Variants in GPC6 observed in about 807,000 individuals in gnomAD.
GPC6 encodes glypican-6.
In GPC6, 14 loss-of-function variants were observed where a neutral mutation model predicts 55.2. The observed-to-expected ratio is 0.25, with a 90% CI of 0.17 to 0.40. The LOEUF is 0.40. Ranked by LOEUF, GPC6 falls within the 10% of genes least tolerant of loss-of-function variation. The pLI is 1.00. For synonymous variants in GPC6, 278 were observed against 259.6 expected (o/e 1.07, Z -0.68); for missense variants, 641 against 708.5 (o/e 0.90, Z 1.08).
intron 1 of GPC6, among the ~76,000 whole-genome samples, chr13:93,287,043 C>T (rs529157274): frequency 6.6e-6 from 1 of 152,168 alleles, no homozygotes; most frequent in Non-Finnish European, 1.5e-5. Flanking sequence ...TACCTTCAGA[C>T]TATGTGTATG....
chr13:93,328,678 TAAA>T (rs66848105), intron 1 of GPC6, among the ~76,000 whole-genome samples: 2 of 135,492 alleles, frequency 1.5e-5, no homozygotes, highest in Non-Finnish European at 1.6e-5. Context: ...TTGTCTCAAT[TAAA>T]AAAAAAAAAA....
intron 1 of GPC6, among the ~76,000 whole-genome samples, chr13:93,237,876 A>G (rs1245580676): frequency 6.6e-6 from 1 of 152,132 alleles, no homozygotes; most frequent in African/African-American, 2.4e-5. Flanking sequence ...CGTTGGTTGT[A>G]GGGATTAGGC....
intron 3 of GPC6, among the ~76,000 whole-genome samples, chr13:93,923,647 A>T (rs1877692951): frequency 6.6e-6 from 1 of 152,182 alleles, no homozygotes; most frequent in East Asian, 1.9e-4. Flanking sequence ...ACCCAAAGAA[A>T]CCAATCTCAG....
intron 6 of GPC6, among the ~76,000 whole-genome samples, chr13:94,357,623 C>CAT (rs1360882499): frequency 6.6e-6 from 1 of 152,194 alleles, no homozygotes; most frequent in East Asian, 1.9e-4. Context: ...GGTCACAGCC[C>CAT]TAAGGTACCA....
chr13:94,029,834 C>T (rs1483245999), intron 4 of GPC6, among the ~76,000 whole-genome samples: 1 of 152,090 alleles, frequency 6.6e-6, no homozygotes, highest in Non-Finnish European at 1.5e-5. Flanking sequence ...CTTATGCTTT[C>T]GATCAATTGA....
At chr13:93,451,814 G>A (rs1161258460) in intron 1 of GPC6, among the ~76,000 whole-genome samples, 2 of 152,162 alleles carry the variant, frequency 1.3e-5, no homozygotes, top group African/African-American at 4.8e-5. Context: ...TTTATAAGCT[G>A]TGTCAGCCAC....
At chr13:93,611,796 G>T (rs1594310364) in intron 2 of GPC6, among the ~76,000 whole-genome samples, 1 of 152,206 alleles carries the variant, frequency 6.6e-6, no homozygotes, top group South Asian at 2.1e-4. Flanking sequence ...TGCCACATTT[G>T]TGGGTGCTTT....
At chr13:93,685,861 G>A (rs1011042685) in intron 2 of GPC6, among the ~76,000 whole-genome samples, 2 of 152,116 alleles carry the variant, frequency 1.3e-5, no homozygotes, top group Non-Finnish European at 2.9e-5. Context: ...AGATTGAAGA[G>A]TATTTTTATT....
At position 94,137,154 on chromosome 13, in the gene GPC6, G is replaced by T. The variant is rs1264444763; in HGVS notation, c.877+109260G>T. On this transcript the variant is annotated intron_variant, in intron 4 of 8. Transcript: ENST00000377047. ...AGTTAGAGAAATTTGATTTTAGATC[G>T]CTTGTACATGACATATCTGTAGGAC... Among the ~76,000 whole-genome samples the T allele has an allele frequency of 5.9e-5, 9 of 152,272 alleles. No homozygotes were observed. In the East Asian group the frequency reaches 1.7e-3, roughly 29 times the overall value.
intron 4 of GPC6, among the ~76,000 whole-genome samples, chr13:94,280,579 C>T (rs928431771): frequency 4.6e-5 from 7 of 152,186 alleles, no homozygotes; most frequent in African/African-American, 1.7e-4. Flanking sequence ...CATTAATCAG[C>T]CTATACATAA....
At position 94,403,340 on chromosome 13, in the gene GPC6, G is replaced by A; in HGVS notation, c.*123G>A. 1 of 754,860 alleles carries A rather than the reference G, an allele frequency of 1.3e-6. No homozygotes were observed. The highest frequency in any genetic ancestry group is 2.7e-5 in the East Asian group (1 of 37,460). 46.8% of individuals were successfully genotyped at this position (754,860 alleles called of 1,614,324 possible). On this transcript the variant is annotated 3_prime_UTR_variant, in exon 9 of 9. Coordinates refer to ENST00000377047, the MANE Select transcript of GPC6 (RefSeq NM_005708.5). ...ACTTACCGTTTTCTATGAGAAGAGA[G>A]CAGTAATGCAATCTGCCTCCCTTTT...
chr13:94,145,021 T>G (rs890560635), intron 4 of GPC6, among the ~76,000 whole-genome samples: 2 of 152,116 alleles, frequency 1.3e-5, no homozygotes, highest in Non-Finnish European at 2.9e-5. Context: ...AAATATTGAT[T>G]AGAGAGTAAG....
chr13:93,738,936 TACACACACACACAC>T lies in GPC6; in HGVS notation c.320-91195_320-91182del, dbSNP rs56928879. On this transcript the variant is annotated intron_variant, in intron 2 of 8. Coordinates refer to ENST00000377047, the MANE Select transcript of GPC6 (RefSeq NM_005708.5). ...TTTAAATTCCAAGTGCACTTGGTTT[TACACACACACACAC>T]ACACACACACACACACACACACTCA... Among the ~76,000 whole-genome samples, 40 of 145,574 alleles carry T rather than the reference TACACACACACACAC, an allele frequency of 2.7e-4. No individual in the cohort carries two copies. The East Asian group carries it at 3.2e-3, about 12-fold the overall frequency.
chr13:93,693,113 C>T (rs1401477886), intron 2 of GPC6, among the ~76,000 whole-genome samples: 1 of 152,090 alleles, frequency 6.6e-6, no homozygotes, highest in Non-Finnish European at 1.5e-5. Context: ...AGATTGTTAG[C>T]ATCTTCAAGC....
chr13:94,049,973 G>A (rs955807566), intron 4 of GPC6, among the ~76,000 whole-genome samples: 7 of 152,022 alleles, frequency 4.6e-5, no homozygotes, highest in Admixed American at 2.0e-4. Flanking sequence ...TTCCCTGTTC[G>A]ATTGGTTCTC....
At chr13:93,904,366 A>C (rs972897142) in intron 3 of GPC6, among the ~76,000 whole-genome samples, 3 of 152,174 alleles carry the variant, frequency 2.0e-5, no homozygotes, top group African/African-American at 7.2e-5. Flanking sequence ...GCAGGTTACA[A>C]ATCCATCTTT....
At chr13:93,414,589 A>T (rs976700521) in intron 1 of GPC6, among the ~76,000 whole-genome samples, 1 of 152,138 alleles carries the variant, frequency 6.6e-6, no homozygotes, top group African/African-American at 2.4e-5. Context: ...ATAAATAGCG[A>T]GTAGTCTGAA....
At chr13:93,344,989 T>A (rs1260978813) in intron 1 of GPC6, among the ~76,000 whole-genome samples, 1 of 152,226 alleles carries the variant, frequency 6.6e-6, no homozygotes, top group Non-Finnish European at 1.5e-5. Context: ...CATGCTTTTT[T>A]ATTCCTATTT....
chr13:93,694,728 T>TTAA (rs1169891044), intron 2 of GPC6, among the ~76,000 whole-genome samples: 1 of 152,130 alleles, frequency 6.6e-6, no homozygotes, highest in African/African-American at 2.4e-5. Context: ...ATCAGCACCT[T>TTAA]TAGGTCCTAC....
Sources: gnomAD v4.1 joint callset for allele counts (sites outside exome capture counted in the v4.1 genomes callset) on GRCh38, gnomAD v4.1.1 for gene constraint, MANE v1.5 for transcripts, NCBI Gene and HGNC (gene_info 2026-07-23, HGNC 2026-07-21) for gene names.